TMEM255A: variants seen among roughly 807,000 people sequenced by gnomAD.
TMEM255A encodes transmembrane protein 255A.
In TMEM255A, 14 loss-of-function variants were observed where a neutral mutation model predicts 23.5. The ratio of observed to expected loss-of-function variants is 0.60; its 90% CI spans 0.39 to 0.93. TMEM255A has a LOEUF of 0.93. TMEM255A is among the 40% of genes least tolerant of loss of function. The pLI is 0.00. For synonymous variants in TMEM255A, 104 were observed against 100.3 expected, an observed-to-expected ratio of 1.04 and a Z score of -0.22; for missense variants, 233 against 261.7, an observed-to-expected ratio of 0.89 and a Z score of 0.76.
At chrX:120,261,176 G>A in intron 8 of TMEM255A, 148 bp from the exon 9 acceptor site, 1 of 804,970 alleles carries the variant, frequency 1.2e-6, no homozygotes, top group Non-Finnish European at 1.7e-6. Context: ...TAATGAGCCT[G>A]GAACAGGTGG....
At chrX:120,277,399 C>G (rs1302937265) in intron 6 of TMEM255A, among the ~76,000 whole-genome samples, 1 of 111,962 alleles carries the variant, frequency 8.9e-6, no homozygotes, top group Non-Finnish European at 1.9e-5. Context: ...TAGCTACTAG[C>G]CACATGTGGC....
chrX:120,288,563 C>T (rs2057892956), intron 4 of TMEM255A, among the ~76,000 whole-genome samples: 1 of 112,351 alleles, frequency 8.9e-6, no homozygotes, highest in South Asian at 3.7e-4. Flanking sequence ...TACATGAAGA[C>T]AGACGTGTGA....
At chrX:120,292,123 G>A (rs1327500427) in intron 3 of TMEM255A, among the ~76,000 whole-genome samples, 2 of 111,433 alleles carry the variant, frequency 1.8e-5, no homozygotes, top group Non-Finnish European at 3.8e-5. Context: ...TTACAAGTGT[G>A]AGCCACTATG....
rs782436665 is a variant in TMEM255A at position 120,285,924 on chromosome X, C to A, written c.424-709G>T. ...GCAAGAAATTGTCCAGCTCTCTCCCCCATCCAGATGCAATGAAGTGCTGCT... is the reference window on the plus strand; with the variant it reads ...GCAAGAAATTGTCCAGCTCTCTCCCACATCCAGATGCAATGAAGTGCTGCT... On this transcript the variant is annotated intron_variant, in intron 5 of 8. Transcript: ENST00000371369. The A allele has an allele frequency of 6.0e-6, 7 of 1,170,050 alleles. No individual in the cohort carries two copies. In the South Asian group the frequency reaches 1.1e-4, roughly 18 times the overall value.
intron 2 of TMEM255A, among the ~76,000 whole-genome samples, chrX:120,298,795 C>T (rs1556025362): frequency 1.9e-4 from 21 of 109,603 alleles, no homozygotes; most frequent in Non-Finnish European, 4.0e-4. Flanking sequence ...GTAGGGAGTT[C>T]AAAGATGTAG....
At chrX:120,300,369 C>T (rs907740619) in intron 2 of TMEM255A, among the ~76,000 whole-genome samples, 2 of 110,385 alleles carry the variant, frequency 1.8e-5, no homozygotes, top group Non-Finnish European at 3.8e-5. Context: ...TGTTGGTGTT[C>T]GGTTTTTGTT....
intron 2 of TMEM255A, among the ~76,000 whole-genome samples, chrX:120,302,447 C>A (rs1220279980): frequency 9.0e-6 from 1 of 110,921 alleles, no homozygotes; most frequent in Non-Finnish European, 1.9e-5. Context: ...AATTGCTTTT[C>A]CAAGCCACCG....
chrX:120,263,103 T>C (rs1042862250), intron 8 of TMEM255A, among the ~76,000 whole-genome samples: 5 of 111,481 alleles, frequency 4.5e-5, no homozygotes, highest in African/African-American at 1.6e-4. Context: ...GGGAGCTAAC[T>C]GGCTGCAGTC....
At chrX:120,269,642 A>C (rs113973011) in intron 7 of TMEM255A, among the ~76,000 whole-genome samples, 1,534 of 111,851 alleles carry the variant, frequency 0.014, 18 homozygotes, top group African/African-American at 0.047. Flanking sequence ...GAAGAGCTAC[A>C]AACCTCAGTC....
At position 120,262,709 on chromosome X, in the gene TMEM255A, G is replaced by A. The variant is rs781896497; in HGVS notation, c.820-1681C>T. Among the ~76,000 whole-genome samples, 14 of 111,769 alleles carry A rather than the reference G, an allele frequency of 1.3e-4. No individual in the cohort carries two copies. The South Asian group carries it at 5.3e-3, about 42-fold the overall frequency. On this transcript the variant is annotated intron_variant, in intron 8 of 8. Transcript: ENST00000371369. ...AACTCTCTCCTCTTAACCAGAGAGG[G>A]GAACAAAGACCCACCAGGGCAAAGA...
intron 2 of TMEM255A, among the ~76,000 whole-genome samples, chrX:120,298,924 G>A (rs1298507911): frequency 9.1e-6 from 1 of 109,551 alleles, no homozygotes; most frequent in Non-Finnish European, 1.9e-5. Context: ...GGATATTCTA[G>A]GCATGAGGAA....
chrX:120,275,875 C>T (rs2057794784), intron 7 of TMEM255A, among the ~76,000 whole-genome samples: 1 of 102,217 alleles, frequency 9.8e-6, no homozygotes, highest in African/African-American at 3.6e-5. Context: ...TTACTGCAAC[C>T]TCAACCTCCT....
chrX:120,304,719 C>A (rs1288182864), intron 1 of TMEM255A, among the ~76,000 whole-genome samples: 1 of 111,370 alleles, frequency 9.0e-6, no homozygotes, highest in Non-Finnish European at 1.9e-5. Flanking sequence ...AAATAAACAA[C>A]AGAAGAAATT....
In TMEM255A at chrX:120,291,237, G is replaced by T; in HGVS notation, c.354+14C>A. On this transcript the variant is annotated intron_variant, in intron 4 of 8. Transcript: ENST00000371369. ...TTGCCTATTTACTTTAACTCAGGAC[G>T]AAAAAATACTCACAATGTGTCTGGC... The T allele has an allele frequency of 2.5e-6, 3 of 1,194,098 alleles. No individual in the cohort carries two copies. Among genetic ancestry groups the T allele is most frequent in the Non-Finnish European group, 3.4e-6 (3 of 881,761 alleles).
At chrX:120,307,008 G>T (rs1319848246) in intron 1 of TMEM255A, among the ~76,000 whole-genome samples, 1 of 112,165 alleles carries the variant, frequency 8.9e-6, no homozygotes, top group Non-Finnish European at 1.9e-5. Flanking sequence ...CTGATCACCA[G>T]GTCGAATATC....
chrX:120,277,971 G>A (rs781875161), intron 6 of TMEM255A, among the ~76,000 whole-genome samples: 89 of 111,939 alleles, frequency 8.0e-4, no homozygotes, highest in African/African-American at 2.5e-3. Context: ...TTTAGATAGG[G>A]CTTTTAGAAG....
chrX:120,305,022 A>G (rs1438623184), intron 1 of TMEM255A, among the ~76,000 whole-genome samples: 1 of 111,712 alleles, frequency 9.0e-6, no homozygotes, highest in East Asian at 2.8e-4. Context: ...TTGCCACCTC[A>G]TGTATAAACT....
At chrX:120,263,584 A>C (rs782044890) in intron 8 of TMEM255A, among the ~76,000 whole-genome samples, 1 of 111,809 alleles carries the variant, frequency 8.9e-6, no homozygotes, top group Non-Finnish European at 1.9e-5. Flanking sequence ...CTTCACAAAG[A>C]GCCCAGGAAC....
At chrX:120,310,007 C>T (rs2058088995) in intron 1 of TMEM255A, 1 of 111,431 alleles carries the variant, frequency 9.0e-6, no homozygotes, top group African/African-American at 3.3e-5. Flanking sequence ...GTTTTGTTGA[C>T]ACTGAGTCTT....
Sources: allele counts gnomAD v4.1 joint callset (sites outside exome capture counted in the v4.1 genomes callset), GRCh38; gene constraint gnomAD v4.1.1; transcripts MANE v1.5; gene names NCBI Gene and HGNC (gene_info 2026-07-23, HGNC 2026-07-21).